Variants in NUFIP1 observed in about 807,000 individuals in gnomAD.
The protein encoded by NUFIP1 is nuclear FMR1 interacting protein 1.
In NUFIP1, 38 loss-of-function variants were observed where a neutral mutation model predicts 56.2. The observed-to-expected ratio is 0.68, with a 90% CI of 0.52 to 0.89. NUFIP1 has a LOEUF of 0.89. Among genes scored for constraint, NUFIP1 ranks in the 40% least tolerant of loss-of-function variants. The pLI is 0.00. For missense variants in NUFIP1, 567 were observed against 605.8 expected (o/e 0.94, Z 0.67); for synonymous variants, 215 against 212.4 (o/e 1.01, Z -0.10).
intron 6 of NUFIP1, among the ~76,000 whole-genome samples, chr13:44,960,086 C>G (rs1871371715): frequency 6.6e-6 from 1 of 151,690 alleles, no homozygotes; most frequent in Non-Finnish European, 1.5e-5. Context: ...CACGTGCCAC[C>G]ACACCCAGCT....
rs1039427632 is a variant in NUFIP1, at chr13:44,989,345, G to C, written c.92C>G (p.Ala31Gly). ...TPTLGPLSDT[A>G]PPRDSWMFWA... is the part of the protein sequence containing the mutation. ...GAACATCCAGCTGTCCCGCGGCGGG[G>C]CAGTGTCGCTCAGGGGCCCTAACGT... Residue 31 changes from alanine to glycine, a missense_variant, in exon 1 of 10, where the codon GCC (alanine) becomes GGC (glycine). Transcript: ENST00000379161. 1 of 1,613,014 alleles carries C rather than the reference G, an allele frequency of 6.2e-7. No individual in the cohort carries two copies. The highest frequency in any genetic ancestry group is 8.5e-7 in the Non-Finnish European group (1 of 1,179,738).
In NUFIP1 at chr13:44,959,433, A is replaced by G; in HGVS notation, c.969T>C (p.Gly323=). 12 of 1,614,052 alleles carry G rather than the reference A, an allele frequency of 7.4e-6. No individual in the cohort carries two copies. Among genetic ancestry groups the G allele is most frequent in the Non-Finnish European group, 1.0e-5 (12 of 1,180,014 alleles). Residue 323 remains glycine, a synonymous_variant, in exon 7 of 10, where the codon GGT becomes GGC. Transcript: ENST00000379161. ...GSHLCDLKLE[G]PPEANADPLG... Reference sequence around the variant, plus strand: ...GAGGATCTGCATTTGCCTCCGGTGGACCTTCTAGCTTCAAATCACACAAGT... The same window carrying G: ...GAGGATCTGCATTTGCCTCCGGTGGGCCTTCTAGCTTCAAATCACACAAGT...
intron 6 of NUFIP1, 63 bp from the exon 7 acceptor site, chr13:44,959,637 A>G: frequency 1.5e-6 from 2 of 1,373,768 alleles, no homozygotes; most frequent in Non-Finnish European, 2.0e-6. Context: ...AAATTTTGAA[A>G]AAGACTACTA....
At chr13:44,964,929 C>A (rs1185492263) in intron 6 of NUFIP1, among the ~76,000 whole-genome samples, 1 of 152,120 alleles carries the variant, frequency 6.6e-6, no homozygotes, top group East Asian at 1.9e-4. Context: ...AGGATGAAAC[C>A]GTTTCTAAGT....
intron 1 of NUFIP1, among the ~76,000 whole-genome samples, chr13:44,988,092 G>A (rs1170403606): frequency 6.6e-6 from 1 of 152,164 alleles, no homozygotes; most frequent in Non-Finnish European, 1.5e-5. Context: ...TCGCTCATAT[G>A]TCACCTTCCT....
In NUFIP1 at chr13:44,967,304, T is replaced by A. The variant is rs186043652; in HGVS notation, c.735-1368A>T. On this transcript the variant is annotated intron_variant, in intron 5 of 9. Coordinates refer to ENST00000379161, the MANE Select transcript of NUFIP1 (RefSeq NM_012345.3). Reference sequence around the variant, plus strand: ...CCCAGCACTTTGGGAGGTCAGGAGTTCGAGACCAGCCTGGCCAACACAGTG... The same window carrying A: ...CCCAGCACTTTGGGAGGTCAGGAGTACGAGACCAGCCTGGCCAACACAGTG... Among the ~76,000 whole-genome samples the A allele has an allele frequency of 4.0e-4, 61 of 151,954 alleles. No individual in the cohort carries two copies. In the East Asian group the frequency reaches 0.011, roughly 27 times the overall value.
At chr13:44,953,088 T>C (rs1197698396) in intron 7 of NUFIP1, among the ~76,000 whole-genome samples, 1 of 152,196 alleles carries the variant, frequency 6.6e-6, no homozygotes, top group Non-Finnish European at 1.5e-5. Context: ...CCTTGACCAC[T>C]TTATGGTCTG....
Position 44,959,380 on chromosome 13 carries a change from C to G in NUFIP1, c.1021+1G>C. Reference sequence around the variant, plus strand: ...ATACGTTATTTTCCTGTTTAGCTTACCAGAATCACTGTTTATCAAAACACC... The same window carrying G: ...ATACGTTATTTTCCTGTTTAGCTTAGCAGAATCACTGTTTATCAAAACACC... On this transcript the variant is annotated splice_donor_variant, in intron 7 of 9. Coordinates refer to ENST00000379161, the MANE Select transcript of NUFIP1 (RefSeq NM_012345.3). LOFTEE classifies it high-confidence loss of function. 6.2e-7 allele frequency: 1 copy of G among 1,611,852 alleles called. No individual in the cohort carries two copies. Among genetic ancestry groups the G allele is most frequent in the Non-Finnish European group, 8.5e-7 (1 of 1,179,196 alleles).
chr13:44,943,692 C>CA lies in NUFIP1; in HGVS notation c.1139-19dup. On this transcript the variant is annotated intron_variant, in intron 8 of 9. Coordinates refer to ENST00000379161, the MANE Select transcript of NUFIP1 (RefSeq NM_012345.3). ...GGGAGTTTCTAAGTGTGATGAAAAACAAACACAAAAATAAACAAAACAAAA... is the reference window on the plus strand; with the variant it reads ...GGGAGTTTCTAAGTGTGATGAAAAACAAAACACAAAAATAAACAAAACAAAA... The CA allele has an allele frequency of 1.9e-6, 3 of 1,578,736 alleles. No individual in the cohort carries two copies. The highest frequency in any genetic ancestry group is 2.6e-6 in the Non-Finnish European group (3 of 1,160,228).
intron 5 of NUFIP1, among the ~76,000 whole-genome samples, chr13:44,969,473 C>G (rs1213563726): frequency 6.6e-6 from 1 of 152,178 alleles, no homozygotes; most frequent in African/African-American, 2.4e-5. Flanking sequence ...AGTCCAATAT[C>G]TCCTGTTAGA....
At chr13:44,946,354 G>C (rs560433817) in intron 8 of NUFIP1, among the ~76,000 whole-genome samples, 1 of 151,910 alleles carries the variant, frequency 6.6e-6, no homozygotes, top group South Asian at 2.1e-4. Context: ...TTGGTTTGTG[G>C]CCTTCTGAAA....
intron 7 of NUFIP1, 81 bp downstream of exon 7, chr13:44,959,300 C>T (rs574485816): frequency 1.5e-6 from 2 of 1,332,500 alleles, no homozygotes; most frequent in Admixed American, 2.3e-5. Context: ...ATTAAACTTT[C>T]CACAAGCAAG....
chr13:44,989,212 G>A lies in NUFIP1; in HGVS notation c.225C>T (p.Pro75=). 1 of 1,611,212 alleles carries A rather than the reference G, an allele frequency of 6.2e-7. No individual in the cohort carries two copies. Among genetic ancestry groups the A allele is most frequent in the South Asian group, 1.1e-5 (1 of 90,764 alleles). Residue 75 remains proline (P), a synonymous_variant, in exon 1 of 10, where the codon CCC becomes CCT. Transcript: ENST00000379161. ...GGGCGTCGAAGGGGGGCGGAGCCCC[G>A]GGGAGAGACTGGGCCTCCATGGGGG... The part of the protein sequence containing the change: ...SQPPMEAQSL[P]GAPPPFDAQI...
intron 1 of NUFIP1, among the ~76,000 whole-genome samples, chr13:44,988,433 G>A (rs12585715): frequency 0.11 from 16,343 of 151,732 alleles, 1,697 homozygotes; most frequent in African/African-American, 0.26. Context: ...CAGCCTGGGC[G>A]ACAGAGCGAC....
Position 44,949,672 on chromosome 13 carries a change from G to A in NUFIP1, c.1138+50C>T, listed in dbSNP as rs777655319. On this transcript the variant is annotated intron_variant, in intron 8 of 9. Transcript: ENST00000379161. ...TTATTAATGCGCAGCATGCACAAAA[G>A]GCAAAAAGCAACAAAACAAAACCCT... The A allele has an allele frequency of 4.3e-6, 5 of 1,176,286 alleles. No homozygotes were observed. The South Asian group carries it at 4.4e-5, about 10-fold the overall frequency. 72.9% of individuals were successfully genotyped at this position (1,176,286 alleles called of 1,614,324 possible).
At chr13:44,957,813 T>G (rs1158172338) in intron 7 of NUFIP1, among the ~76,000 whole-genome samples, 1 of 152,310 alleles carries the variant, frequency 6.6e-6, no homozygotes, top group East Asian at 1.9e-4. Flanking sequence ...AAGTGTTCAT[T>G]TAGAAAATTG....
chr13:44,942,735 T>A (rs1314880004), intron 9 of NUFIP1, among the ~76,000 whole-genome samples: 1 of 152,156 alleles, frequency 6.6e-6, no homozygotes, highest in Admixed American at 6.5e-5. Flanking sequence ...AAGAAAGCTA[T>A]TAGATTTTTG....
rs777125510 is a variant in NUFIP1 at position 44,989,390 on chromosome 13, G to T, written c.47C>A (p.Ala16Glu). ...SDFETPIGWH[A>E]SPELTPTLGP... ...TAACGTGGGAGTCAGCTCGGGAGACGCATGCCACCCGATAGGAGTCTCGAA... is the reference window on the plus strand; with the variant it reads ...TAACGTGGGAGTCAGCTCGGGAGACTCATGCCACCCGATAGGAGTCTCGAA... The change falls in exon 1 of 10, where the codon GCG becomes GAG. Residue 16 changes from alanine (A) to glutamate (E), a missense_variant. Ala to Glu is a moderately radical substitution (Grantham distance 107). Coordinates refer to ENST00000379161, the MANE Select transcript of NUFIP1 (RefSeq NM_012345.3). The T allele has an allele frequency of 1.9e-6, 3 of 1,613,228 alleles. No individual in the cohort carries two copies. Among genetic ancestry groups the T allele is most frequent in the Admixed American group, 1.7e-5 (1 of 59,906 alleles).
chr13:44,954,248 C>A (rs955554159), intron 7 of NUFIP1, among the ~76,000 whole-genome samples: 3 of 152,124 alleles, frequency 2.0e-5, no homozygotes, highest in Non-Finnish European at 4.4e-5. Context: ...TTATAAAATA[C>A]GAGCTCAAAC....
Sources: allele counts gnomAD v4.1 joint callset (sites outside exome capture counted in the v4.1 genomes callset), GRCh38; gene constraint gnomAD v4.1.1; transcripts MANE v1.5; gene names NCBI Gene and HGNC (gene_info 2026-07-23, HGNC 2026-07-21).